Variants in CNBD1 observed in about 807,000 individuals in gnomAD.
CNBD1 encodes the protein cyclic nucleotide binding domain containing 1.
A neutral mutation model predicts 54.4 loss-of-function variants in CNBD1; 71 were observed. The ratio of observed to expected loss-of-function variants is 1.30; its 90% CI spans 1.08 to 1.59. The LOEUF is 1.59. Among genes scored for constraint, CNBD1 ranks in the 40% most tolerant of loss-of-function variants. CNBD1 has a pLI of 0.00. For synonymous variants in CNBD1, 182 were observed against 170.7 expected (o/e 1.07, Z -0.51); for missense variants, 659 against 518.0 (o/e 1.27, Z -2.64).
chr8:87,367,446 A>G (rs571724366), intron 10 of CNBD1, among the ~76,000 whole-genome samples: 7 of 152,206 alleles, frequency 4.6e-5, no homozygotes, highest in South Asian at 4.1e-4. Context: ...GAACTCTTCG[A>G]GAAATCTGCT....
rs886740754 is a variant in CNBD1, at chr8:87,142,839, G to GT, written c.432-63147dup. 2.6e-5 allele frequency among the ~76,000 whole-genome samples: 4 copies of GT among 152,146 alleles called. No individual in the cohort carries two copies. In the East Asian group the frequency reaches 7.7e-4, roughly 29 times the overall value. On this transcript the variant is annotated intron_variant, in intron 4 of 10. Coordinates refer to ENST00000518476, the MANE Select transcript of CNBD1 (RefSeq NM_173538.3). ...TTGGCCAGTTTTTAACAAACCTGGA[G>GT]TTTTTTTGTTGTGCTCGTTGTTCGT... is the stretch of plus-strand genomic sequence containing the variant.
intron 6 of CNBD1, among the ~76,000 whole-genome samples, chr8:87,276,406 C>G (rs1297208158): frequency 2.6e-5 from 4 of 151,802 alleles, no homozygotes; most frequent in Non-Finnish European, 5.9e-5. Flanking sequence ...TTACCAGAAT[C>G]TCCACCTTTA....
intron 4 of CNBD1, among the ~76,000 whole-genome samples, chr8:87,142,086 T>C (rs1405968940): frequency 2.0e-5 from 3 of 152,284 alleles, no homozygotes; most frequent in Non-Finnish European, 4.4e-5. Context: ...TGAATTTATT[T>C]GTCAAGAAAT....
At chr8:87,262,896 A>G (rs1808171705) in intron 6 of CNBD1, among the ~76,000 whole-genome samples, 1 of 152,150 alleles carries the variant, frequency 6.6e-6, no homozygotes, top group Admixed American at 6.6e-5. Flanking sequence ...TAGTTTCTGT[A>G]TTGGAGATAA....
chr8:86,916,244 T>C, intron 3 of CNBD1, among the ~76,000 whole-genome samples: 1 of 152,088 alleles, frequency 6.6e-6, no homozygotes, highest in East Asian at 1.9e-4. Flanking sequence ...GAAAGTGTAT[T>C]AAAAAGTTTC....
intron 4 of CNBD1, among the ~76,000 whole-genome samples, chr8:86,980,185 CT>C (rs1350359497): frequency 6.6e-6 from 1 of 152,162 alleles, no homozygotes. Flanking sequence ...TACCATAATT[CT>C]TTTTGGTGCT....
chr8:86,887,478 A>G (rs1017057473), intron 1 of CNBD1, 64 bp from the exon 2 acceptor site: 9 of 1,016,176 alleles, frequency 8.9e-6, no homozygotes, highest in African/African-American at 4.8e-5. Flanking sequence ...ATTAAACTCT[A>G]TTTACACACT....
intron 8 of CNBD1, among the ~76,000 whole-genome samples, chr8:87,292,322 G>A (rs934795690): frequency 1.1e-4 from 17 of 152,112 alleles, no homozygotes; most frequent in Admixed American, 9.8e-4. Context: ...ACATTAGCAC[G>A]GCATTAAGGA....
chr8:86,869,971 A>C (rs866376356), intron 1 of CNBD1, among the ~76,000 whole-genome samples: 2 of 152,058 alleles, frequency 1.3e-5, no homozygotes, highest in African/African-American at 2.4e-5. Flanking sequence ...AATTAGGCTT[A>C]TTCTTCTGAG....
chr8:87,336,947 G>A (rs1486896886), intron 8 of CNBD1, among the ~76,000 whole-genome samples: 1 of 152,032 alleles, frequency 6.6e-6, no homozygotes, highest in Non-Finnish European at 1.5e-5. Context: ...CAATAGTCAG[G>A]CCCCTCTTCT....
At chr8:87,386,162 A>G (rs970447208), downstream of CNBD1, among the ~76,000 whole-genome samples, 1 of 150,834 alleles carries the variant, frequency 6.6e-6, no homozygotes, top group African/African-American at 2.4e-5. Context: ...AAAGTTGGGG[A>G]AAAAACAGAG....
chr8:87,349,998 T>C (rs1035864636), intron 8 of CNBD1, among the ~76,000 whole-genome samples: 7 of 152,214 alleles, frequency 4.6e-5, no homozygotes, highest in Non-Finnish European at 1.0e-4. Context: ...GTCTCATAGT[T>C]AAAAATAATG....
At chr8:86,958,538 G>A (rs200371374) in intron 4 of CNBD1, among the ~76,000 whole-genome samples, 1 of 152,176 alleles carries the variant, frequency 6.6e-6, no homozygotes, top group South Asian at 2.1e-4. Flanking sequence ...TATATTTAGG[G>A]TAGTTAGCTC....
rs572329497 is a variant in CNBD1, at chr8:87,342,093, G to A, written c.1043-9592G>A. ...TCCAGACCATCCTGGCTAACACGGC[G>A]AAACCCTGTTTCTACTAAAAATACA... is the stretch of plus-strand genomic sequence containing the variant. On this transcript the variant is annotated intron_variant, in intron 8 of 10. Transcript: ENST00000518476. Among the ~76,000 whole-genome samples, 456 of 152,146 alleles carry A rather than the reference G, an allele frequency of 3.0e-3. 2 individuals carry two copies. Among genetic ancestry groups the A allele is most frequent in the African/African-American group, 1.0e-2 (414 of 41,504 alleles).
At chr8:87,187,171 T>C (rs1369782583) in intron 4 of CNBD1, among the ~76,000 whole-genome samples, 2 of 150,420 alleles carry the variant, frequency 1.3e-5, no homozygotes, top group African/African-American at 2.4e-5. Flanking sequence ...AAAAGATTTA[T>C]ATAGCTATAT....
chr8:87,377,811 C>T (rs1271481761), intron 10 of CNBD1, among the ~76,000 whole-genome samples: 1 of 148,038 alleles, frequency 6.8e-6, no homozygotes, highest in Non-Finnish European at 1.5e-5. Flanking sequence ...CTCTCCAGCA[C>T]CTGTTGTTTC....
intron 6 of CNBD1, among the ~76,000 whole-genome samples, chr8:87,253,214 C>T (rs1213807198): frequency 6.6e-6 from 1 of 152,172 alleles, no homozygotes; most frequent in Non-Finnish European, 1.5e-5. Flanking sequence ...TCTCCCTTGC[C>T]CTTTACCCCA....
At chr8:87,015,851 GGTACCT>G (rs1563858872) in intron 4 of CNBD1, among the ~76,000 whole-genome samples, 2 of 151,780 alleles carry the variant, frequency 1.3e-5, no homozygotes, top group South Asian at 4.2e-4. Flanking sequence ...TGTGGTGGTG[GGTACCT>G]GTAATCTCAG....
intron 6 of CNBD1, among the ~76,000 whole-genome samples, chr8:87,277,072 A>T (rs1585977832): frequency 1.3e-5 from 1 of 79,274 alleles, no homozygotes; most frequent in African/African-American, 6.1e-5. Context: ...TGGGTCATTT[A>T]TATATATATA....
Sources: allele counts gnomAD v4.1 joint callset (sites outside exome capture counted in the v4.1 genomes callset), GRCh38; gene constraint gnomAD v4.1.1; transcripts MANE v1.5; gene names NCBI Gene and HGNC (gene_info 2026-07-23, HGNC 2026-07-21).